The following KYNU variants were observed in gnomAD, a reference collection of about 807,000 sequenced individuals.
KYNU encodes the protein L-kynurenine hydrolase.
In KYNU, 54 loss-of-function variants were observed where a neutral mutation model predicts 59.2. That is an observed-to-expected ratio of 0.91 (90% CI 0.73 to 1.14). The LOEUF is 1.14. Ranked by LOEUF, KYNU falls within the 50% of genes most tolerant of loss-of-function variation. KYNU has a pLI of 0.00. For missense variants in KYNU, 567 were observed against 554.4 expected, an observed-to-expected ratio of 1.02 and a Z score of -0.23; for synonymous variants, 177 against 192.0, an observed-to-expected ratio of 0.92 and a Z score of 0.65.
chr2:142,940,051 T>C (rs1293947524), intron 4 of KYNU, among the ~76,000 whole-genome samples: 1 of 152,256 alleles, frequency 6.6e-6, no homozygotes, highest in African/African-American at 2.4e-5. Flanking sequence ...CCTAGAGCAG[T>C]GCATATTCTG....
chr2:142,996,623 A>G (rs1021205983), intron 10 of KYNU, among the ~76,000 whole-genome samples: 19 of 146,132 alleles, frequency 1.3e-4, no homozygotes, highest in African/African-American at 5.1e-4. Flanking sequence ...AGTCAGACTG[A>G]AAGGGAACAG....
At chr2:142,914,951 C>G (rs1040175292) in intron 2 of KYNU, among the ~76,000 whole-genome samples, 1 of 152,070 alleles carries the variant, frequency 6.6e-6, no homozygotes, top group Admixed American at 6.5e-5. Flanking sequence ...CTCTAAGAGC[C>G]GGGGCTTTCC....
chr2:142,941,448 G>C (rs573525234), intron 4 of KYNU, among the ~76,000 whole-genome samples: 1 of 152,114 alleles, frequency 6.6e-6, no homozygotes, highest in East Asian at 1.9e-4. Flanking sequence ...ATATAATGTG[G>C]GATATAGAAG....
chr2:142,903,542 C>T (rs1426357877), intron 2 of KYNU, among the ~76,000 whole-genome samples: 1 of 40 alleles, frequency 0.025, no homozygotes, highest in Non-Finnish European at 0.045. Flanking sequence ...TGGATAGTGA[C>T]AGATCTGGAG....
intron 8 of KYNU, among the ~76,000 whole-genome samples, chr2:142,969,555 T>C (rs895534342): frequency 1.3e-5 from 2 of 152,222 alleles, no homozygotes; most frequent in African/African-American, 4.8e-5. Context: ...GAGCTGTTTC[T>C]AAGAAGTCTT....
At chr2:142,945,936 C>G (rs1683762221) in intron 4 of KYNU, among the ~76,000 whole-genome samples, 1 of 151,886 alleles carries the variant, frequency 6.6e-6, no homozygotes, top group Non-Finnish European at 1.5e-5. Context: ...TGGGGTTTCA[C>G]CATGTTGACC....
chr2:142,969,096 G>C (rs899714979), intron 8 of KYNU, among the ~76,000 whole-genome samples: 5 of 151,988 alleles, frequency 3.3e-5, no homozygotes, highest in African/African-American at 7.3e-5. Context: ...CAGAAATAAA[G>C]TATCTGTACT....
chr2:142,967,388 CT>C (rs1281579952), intron 8 of KYNU: 3 of 152,050 alleles, frequency 2.0e-5, no homozygotes, highest in Non-Finnish European at 4.4e-5. Context: ...GTTTTATTAG[CT>C]TCTACTTCTT....
chr2:142,893,316 A>G (rs1301077753), intron 2 of KYNU, among the ~76,000 whole-genome samples: 4 of 152,222 alleles, frequency 2.6e-5, no homozygotes, highest in Non-Finnish European at 5.9e-5. Flanking sequence ...AAGAACAAGG[A>G]AAGTGTCGTG....
intron 1 of KYNU, among the ~76,000 whole-genome samples, chr2:142,878,837 T>G (rs1171406901): frequency 6.6e-6 from 1 of 152,222 alleles, no homozygotes; most frequent in Non-Finnish European, 1.5e-5. Context: ...TTACAAACTA[T>G]CTTTTATCTT....
chr2:143,018,724 T>G (rs529377215), intron 10 of KYNU, among the ~76,000 whole-genome samples: 1 of 152,300 alleles, frequency 6.6e-6, no homozygotes, highest in African/African-American at 2.4e-5. Flanking sequence ...TGTAGATTGC[T>G]TTGAACGGTA....
At chr2:142,987,342 C>T (rs960275997) in intron 10 of KYNU, among the ~76,000 whole-genome samples, 2 of 151,824 alleles carry the variant, frequency 1.3e-5, no homozygotes, top group Non-Finnish European at 2.9e-5. Context: ...AAGTAATATA[C>T]ATAAATTCTA....
chr2:143,013,055 G>A (rs1253937319), intron 10 of KYNU, among the ~76,000 whole-genome samples: 1 of 151,902 alleles, frequency 6.6e-6, no homozygotes. Flanking sequence ...CTATTCATAG[G>A]TGCTATCACA....
At chr2:143,004,785 G>A (rs1406999489) in intron 10 of KYNU, among the ~76,000 whole-genome samples, 1 of 152,148 alleles carries the variant, frequency 6.6e-6, no homozygotes, top group East Asian at 1.9e-4. Context: ...CTAAATTCTA[G>A]TTAAACTAGG....
chr2:142,988,843 A>G (rs1027684762), intron 10 of KYNU: 1 of 1,599,988 alleles, frequency 6.3e-7, no homozygotes, highest in African/African-American at 1.3e-5. Context: ...CATTTGCATT[A>G]GGAGATCGGA....
intron 4 of KYNU, among the ~76,000 whole-genome samples, chr2:142,943,266 G>C (rs1267425464): frequency 2.0e-5 from 3 of 151,930 alleles, no homozygotes; most frequent in Non-Finnish European, 1.5e-5. Flanking sequence ...TGAGCAAACA[G>C]ACAAGTTGTA....
At chr2:142,990,409 C>T (rs2105170748) in intron 10 of KYNU, among the ~76,000 whole-genome samples, 1 of 151,832 alleles carries the variant, frequency 6.6e-6, no homozygotes, top group Non-Finnish European at 1.5e-5. Context: ...ACTATTTAAC[C>T]TTTCAACTTT....
At chr2:142,933,652 C>T (rs1337647885) in intron 4 of KYNU, among the ~76,000 whole-genome samples, 2 of 152,060 alleles carry the variant, frequency 1.3e-5, no homozygotes, top group African/African-American at 4.8e-5. Flanking sequence ...ACCTAATACC[C>T]TCGTTTTGTC....
intron 10 of KYNU, among the ~76,000 whole-genome samples, chr2:143,003,912 A>T (rs2105189574): frequency 6.8e-6 from 1 of 147,994 alleles, no homozygotes; most frequent in Admixed American, 6.8e-5. Flanking sequence ...TGTTTGACAT[A>T]TTGTGTTTTG....
Sources: gnomAD v4.1 joint callset for allele counts (sites outside exome capture counted in the v4.1 genomes callset) on GRCh38, gnomAD v4.1.1 for gene constraint, MANE v1.5 for transcripts, NCBI Gene and HGNC (gene_info 2026-07-23, HGNC 2026-07-21) for gene names.